CWC27: variants seen among roughly 807,000 people sequenced by gnomAD.
CWC27 encodes the protein CWC27 spliceosome associated cyclophilin, also known as spliceosome-associated protein CWC27 homolog.
CWC27 carries 47 observed loss-of-function variants against 63.6 expected under a neutral mutation model. The ratio of observed to expected loss-of-function variants is 0.74; its 90% CI spans 0.58 to 0.94. The LOEUF (loss-of-function observed/expected upper bound fraction) is 0.94. Among genes scored for constraint, CWC27 ranks in the 40% least tolerant of loss-of-function variants. The pLI is 0.00. For missense variants in CWC27, 495 were observed against 554.3 expected, an observed-to-expected ratio of 0.89 and a Z score of 1.07; for synonymous variants, 175 against 179.8, an observed-to-expected ratio of 0.97 and a Z score of 0.22.
chr5:65,007,895 T>C (rs546239597), intron 13 of CWC27, among the ~76,000 whole-genome samples: 2 of 152,338 alleles, frequency 1.3e-5, no homozygotes, highest in East Asian at 3.9e-4. Flanking sequence ...CCCAAAGTGC[T>C]GGGATTACAG....
intron 3 of CWC27, among the ~76,000 whole-genome samples, chr5:64,783,407 C>T (rs781122415): frequency 6.6e-6 from 1 of 152,104 alleles, no homozygotes; most frequent in Admixed American, 6.5e-5. Flanking sequence ...AATTAAAAAA[C>T]AAGAACAAAG....
chr5:64,938,616 G>T (rs966859904), intron 11 of CWC27, among the ~76,000 whole-genome samples: 2 of 152,086 alleles, frequency 1.3e-5, no homozygotes, highest in African/African-American at 4.8e-5. Context: ...TATCTTTGTG[G>T]TGTTCTCTGT....
intron 13 of CWC27, among the ~76,000 whole-genome samples, chr5:64,987,721 T>TCAA (rs1197329513): frequency 6.6e-6 from 1 of 152,216 alleles, no homozygotes; most frequent in African/African-American, 2.4e-5. Flanking sequence ...GAATTATGGG[T>TCAA]CAACAGTTCA....
chr5:64,988,180 G>A (rs1749470848), intron 13 of CWC27, among the ~76,000 whole-genome samples: 1 of 152,044 alleles, frequency 6.6e-6, no homozygotes, highest in South Asian at 2.1e-4. Context: ...TTATTTTTAT[G>A]TTGAAGCTTT....
At chr5:64,783,717 T>G (rs973269972) in intron 3 of CWC27, 119 bp from the exon 4 acceptor site, 51 of 823,038 alleles carry the variant, frequency 6.2e-5, no homozygotes, top group Non-Finnish European at 5.0e-5. Flanking sequence ...GAAAATCAAT[T>G]AAGTAAAATG....
At chr5:64,870,262 A>G (rs1746636784) in intron 10 of CWC27, among the ~76,000 whole-genome samples, 1 of 152,120 alleles carries the variant, frequency 6.6e-6, no homozygotes, top group Non-Finnish European at 1.5e-5. Context: ...AAAAGTCTCA[A>G]TGCTGTCATT....
chr5:64,921,572 T>C (rs373323194), intron 11 of CWC27, among the ~76,000 whole-genome samples: 2 of 152,204 alleles, frequency 1.3e-5, no homozygotes, highest in African/African-American at 4.8e-5. Context: ...GATAGGTCTC[T>C]TGAAGGCAGC....
intron 13 of CWC27, among the ~76,000 whole-genome samples, chr5:64,994,814 T>C (rs1749602514): frequency 6.6e-6 from 1 of 152,230 alleles, no homozygotes; most frequent in Non-Finnish European, 1.5e-5. Flanking sequence ...GTGTACATAC[T>C]ATAATGTGTC....
In CWC27 at chr5:64,977,186, G is replaced by A; in HGVS notation, c.1204G>A (p.Glu402Lys). The part of the protein sequence containing the change: ...FKSKLTQAIA[E>K]TPENDIPETE... The stretch of plus-strand genomic sequence containing the variant: ...ATCTAAACTCACTCAAGCAATTGCT[G>A]AAACGCCTGAAAATGACATTCCTGA... Residue 402 changes from glutamate (E) to lysine (K), a missense_variant, in exon 13 of 14, where the codon GAA becomes AAA. Physicochemically the swap from Glu to Lys is moderately conservative, Grantham distance 56. This residue lies in a region of CWC27 where 463 missense variants were observed against 498.1 expected (regional missense o/e 0.93). Transcript: ENST00000381070. 6.2e-7 allele frequency: 1 copy of A among 1,612,688 alleles called. No individual in the cohort carries two copies. Among genetic ancestry groups the A allele is most frequent in the Non-Finnish European group, 8.5e-7 (1 of 1,179,272 alleles).
intron 11 of CWC27, among the ~76,000 whole-genome samples, chr5:64,923,012 C>T (rs573618868): frequency 1.1e-4 from 16 of 152,244 alleles, no homozygotes; most frequent in Admixed American, 2.6e-4. Context: ...CAGATGTTCT[C>T]AGGCTGCTGG....
At chr5:64,954,377 C>G (rs1325065358) in intron 11 of CWC27, among the ~76,000 whole-genome samples, 1 of 152,130 alleles carries the variant, frequency 6.6e-6, no homozygotes, top group Non-Finnish European at 1.5e-5. Flanking sequence ...CAGCCTGGTA[C>G]TCCTGGGCTC....
At chr5:64,960,735 A>G (rs1748890588) in intron 11 of CWC27, among the ~76,000 whole-genome samples, 1 of 152,186 alleles carries the variant, frequency 6.6e-6, no homozygotes, top group East Asian at 1.9e-4. Context: ...AAAATCATTT[A>G]TAAGCAGGCT....
chr5:64,844,894 T>C (rs1204212271), intron 10 of CWC27: 1 of 456,562 alleles, frequency 2.2e-6, no homozygotes, highest in African/African-American at 2.0e-5. Context: ...TTCTAAGGGG[T>C]ACAGCTTCTG....
chr5:64,997,312 TG>T (rs756885880), intron 13 of CWC27, among the ~76,000 whole-genome samples: 14 of 152,120 alleles, frequency 9.2e-5, no homozygotes, highest in Non-Finnish European at 1.5e-4. Context: ...AAGTGTAAAC[TG>T]GGGATAATAA....
At chr5:64,947,569 A>G (rs1580743507) in intron 11 of CWC27, among the ~76,000 whole-genome samples, 1 of 152,256 alleles carries the variant, frequency 6.6e-6, no homozygotes, top group South Asian at 2.1e-4. Flanking sequence ...TATAAGCAGT[A>G]TGTCCACAAT....
chr5:64,940,891 G>A (rs113212393), intron 11 of CWC27, among the ~76,000 whole-genome samples: 2,850 of 130,892 alleles, frequency 0.022, 43 homozygotes, highest in South Asian at 0.052. Context: ...TTGTCGCCCC[G>A]GCTGGAGTGG....
chr5:64,946,959 A>G (rs1390282539), intron 11 of CWC27, among the ~76,000 whole-genome samples: 1 of 152,140 alleles, frequency 6.6e-6, no homozygotes, highest in African/African-American at 2.4e-5. Context: ...ACATAGGTCT[A>G]TGTGACCAGT....
At chr5:64,772,416 G>A (rs1743289412) in intron 1 of CWC27, among the ~76,000 whole-genome samples, 1 of 151,688 alleles carries the variant, frequency 6.6e-6, no homozygotes, top group South Asian at 2.1e-4. Context: ...GAGGTCAGGA[G>A]TTCAAGACCA....
At chr5:64,810,930 G>C (rs897840244) in intron 10 of CWC27, among the ~76,000 whole-genome samples, 3 of 152,116 alleles carry the variant, frequency 2.0e-5, no homozygotes, top group African/African-American at 7.2e-5. Flanking sequence ...TCAAGAAAGT[G>C]AGAATCAAGT....
Sources: allele counts gnomAD v4.1 joint callset (sites outside exome capture counted in the v4.1 genomes callset), GRCh38; gene constraint gnomAD v4.1.1; regional missense constraint gnomAD v4.1.1; transcripts MANE v1.5; gene names NCBI Gene and HGNC (gene_info 2026-07-23, HGNC 2026-07-21).